The following CFLAR variants were observed in gnomAD, a reference collection of about 807,000 sequenced individuals.
CFLAR encodes the protein CASP8 and FADD-like apoptosis regulator.
CFLAR carries 14 observed loss-of-function variants against 51.1 expected under a neutral mutation model. That is an observed-to-expected ratio of 0.27 (90% CI 0.18 to 0.43). CFLAR has a LOEUF of 0.43. CFLAR is among the 20% of genes least tolerant of loss of function. The pLI, the probability that CFLAR is intolerant of heterozygous loss-of-function variation, is 1.00. For synonymous variants in CFLAR, 210 were observed against 211.6 expected (o/e 0.99, Z 0.06); for missense variants, 390 against 566.5 (o/e 0.69, Z 3.16).
intron 7 of CFLAR, 107 bp downstream of exon 7, chr2:201,149,159 CTG>C (rs765617745): frequency 3.8e-5 from 28 of 729,086 alleles, no homozygotes; most frequent in Non-Finnish European, 4.8e-5. Context: ...CAGTGGGACT[CTG>C]AGAGTGTTGT....
At chr2:201,149,633 T>G in intron 7 of CFLAR, 121 bp from the exon 8 acceptor site, 1 of 672,720 alleles carries the variant, frequency 1.5e-6, no homozygotes, top group Non-Finnish European at 2.6e-6. Flanking sequence ...AACTTCAGGC[T>G]GTGTCTGTTG....
intron 8 of CFLAR, among the ~76,000 whole-genome samples, chr2:201,158,078 C>A (rs1942468988): frequency 6.6e-6 from 1 of 152,204 alleles, no homozygotes; most frequent in Admixed American, 6.5e-5. Flanking sequence ...GATTTTCTGC[C>A]CCAGACCTCA....
intron 5 of CFLAR, among the ~76,000 whole-genome samples, chr2:201,145,018 A>G (rs1029292448): frequency 6.6e-6 from 1 of 151,926 alleles, no homozygotes; most frequent in Non-Finnish European, 1.5e-5. Flanking sequence ...ATGCCCAGCA[A>G]ATTTTTGTAT....
chr2:201,122,035 G>A lies in CFLAR; in HGVS notation c.-138+5554G>A, dbSNP rs186155328. On this transcript the variant is annotated intron_variant, in intron 1 of 9. Transcript: ENST00000309955. ...TGAGGCTAAGCCATAGGTCTTCTTC[G>A]TACTACCTGAAGTTGAGACCTGGTC... Among the ~76,000 whole-genome samples, 120 of 152,306 alleles carry A rather than the reference G, an allele frequency of 7.9e-4. 1 individual carries two copies. Among genetic ancestry groups the A allele is most frequent in the East Asian group, 5.6e-3 (29 of 5,192 alleles).
chr2:201,141,610 T>A (rs1938898169), intron 5 of CFLAR: 3 of 1,316,674 alleles, frequency 2.3e-6, no homozygotes, highest in Non-Finnish European at 2.9e-6. Flanking sequence ...GTGCATTTGT[T>A]TTTTTACTGA....
chr2:201,129,753 GA>G lies in CFLAR; in HGVS notation c.-110del, dbSNP rs1559181154. On this transcript the variant is annotated 5_prime_UTR_variant, in exon 2 of 10. Transcript: ENST00000309955. ...GAACTCCCCCACTGGAAAGGATTCT[GA>G]AAGAAATGAAGTCAGCCCTCAGAAA... The G allele has an allele frequency of 5.0e-6, 5 of 1,006,768 alleles. No homozygotes were observed. The South Asian group carries it at 8.2e-5, about 17-fold the overall frequency. The allele number at this position is 1,006,768 out of a possible 1,614,324, so 62.4% of individuals were successfully genotyped here.
chr2:201,153,450 G>C (rs2125880262), intron 8 of CFLAR: 1 of 152,306 alleles, frequency 6.6e-6, no homozygotes, highest in Admixed American at 6.5e-5. Context: ...GAAGATTCTA[G>C]GCCCAGAATC....
In CFLAR at chr2:201,166,167, C is replaced by G. The variant is rs1006801107; in HGVS notation, c.*2194C>G. On this transcript the variant is annotated 3_prime_UTR_variant, in exon 10 of 10. Transcript: ENST00000309955. ...CCCAGATGGGGCGGCCAGGCGGACGCGCCCCCCACCTCCCTCCCGGACGGG... is the reference window on the plus strand; with the variant it reads ...CCCAGATGGGGCGGCCAGGCGGACGGGCCCCCCACCTCCCTCCCGGACGGG... The G allele has an allele frequency of 1.2e-5, 2 of 162,212 alleles. No homozygotes were observed. Among genetic ancestry groups the G allele is most frequent in the African/African-American group, 2.5e-5 (1 of 40,696 alleles). The allele number at this position is 162,212 out of a possible 1,614,324, so 10.0% of individuals were successfully genotyped here.
At chr2:201,127,379 G>T (rs2048808191) in intron 1 of CFLAR, among the ~76,000 whole-genome samples, 1 of 152,162 alleles carries the variant, frequency 6.6e-6, no homozygotes, top group Admixed American at 6.5e-5. Flanking sequence ...ATTCATCTGG[G>T]TGTGGTGGCT....
intron 9 of CFLAR, chr2:201,163,157 C>G (rs1943228948): frequency 1.1e-6 from 1 of 875,290 alleles, no homozygotes; most frequent in Admixed American, 2.5e-5. Flanking sequence ...TATATTTCCT[C>G]AAGTTTTGAC....
At chr2:201,163,532 C>T in intron 9 of CFLAR, 2 of 1,178,424 alleles carry the variant, frequency 1.7e-6, no homozygotes, top group East Asian at 9.9e-5. Flanking sequence ...ATAGATACTC[C>T]ATGGGCCGGT....
chr2:201,156,009 T>C (rs1213643065), intron 8 of CFLAR, among the ~76,000 whole-genome samples: 1 of 152,226 alleles, frequency 6.6e-6, no homozygotes, highest in Non-Finnish European at 1.5e-5. Flanking sequence ...TCTTCCTGCC[T>C]TGGCCTCCCA....
chr2:201,140,535 A>G (rs1938451244), intron 5 of CFLAR, 96 bp downstream of exon 5: 1 of 886,910 alleles, frequency 1.1e-6, no homozygotes, highest in Admixed American at 3.2e-5. Context: ...TTTATTTAAT[A>G]TCTGAAAAAA....
At chr2:201,128,110 T>C (rs2048881977) in intron 1 of CFLAR, among the ~76,000 whole-genome samples, 1 of 152,226 alleles carries the variant, frequency 6.6e-6, no homozygotes, top group Non-Finnish European at 1.5e-5. Flanking sequence ...TTGTGTTTAA[T>C]GATTTTATTT....
chr2:201,132,181 G>T (rs922764261), intron 2 of CFLAR, among the ~76,000 whole-genome samples: 1 of 152,016 alleles, frequency 6.6e-6, no homozygotes, highest in African/African-American at 2.4e-5. Context: ...GGTTGCGGGG[G>T]CAGTTGAAGA....
intron 1 of CFLAR, among the ~76,000 whole-genome samples, chr2:201,119,509 C>T (rs1321517129): frequency 6.6e-6 from 1 of 152,112 alleles, no homozygotes; most frequent in Non-Finnish European, 1.5e-5. Context: ...CTTGCAGAAC[C>T]CGGTCGTTCT....
chr2:201,152,456 G>A (rs1941435085), intron 8 of CFLAR, among the ~76,000 whole-genome samples: 1 of 152,158 alleles, frequency 6.6e-6, no homozygotes, highest in Non-Finnish European at 1.5e-5. Flanking sequence ...AAAGGGCTTA[G>A]AATAATGCCT....
intron 9 of CFLAR, among the ~76,000 whole-genome samples, chr2:201,162,220 A>G (rs1054520380): frequency 4.6e-5 from 7 of 152,084 alleles, no homozygotes; most frequent in Admixed American, 2.0e-4. Context: ...CTCCTGCCTC[A>G]GTCTCCTGAG....
intron 8 of CFLAR, among the ~76,000 whole-genome samples, chr2:201,159,121 G>A (rs987816888): frequency 7.3e-5 from 11 of 151,682 alleles, no homozygotes; most frequent in Non-Finnish European, 1.2e-4. Context: ...CAGGTGATCT[G>A]CCCGTCTCGG....
Sources: gnomAD v4.1 joint callset for allele counts (sites outside exome capture counted in the v4.1 genomes callset) on GRCh38, gnomAD v4.1.1 for gene constraint, MANE v1.5 for transcripts, NCBI Gene and HGNC (gene_info 2026-07-23, HGNC 2026-07-21) for gene names.